The following B4GALNT2 variants were observed in gnomAD, a reference collection of about 807,000 sequenced individuals.
B4GALNT2 encodes N-acetylneuraminylgalactosylglucosyl-glucoside beta-1,4-N- acetylgalactosaminyltransferase 2.
Under a neutral mutation model 51.1 loss-of-function variants are expected in B4GALNT2, and 42 were observed. The observed-to-expected ratio is 0.82, with a 90% CI of 0.64 to 1.06. The LOEUF (loss-of-function observed/expected upper bound fraction) is 1.06. Among genes scored for constraint, B4GALNT2 ranks in the 50% least tolerant of loss-of-function variants. B4GALNT2 has a pLI of 0.00. For missense variants in B4GALNT2, 602 were observed against 633.6 expected (o/e 0.95, Z 0.54); for synonymous variants, 253 against 251.7 (o/e 1.01, Z -0.05).
chr17:49,125,821 A>T, the B4GALNT2 span, among the ~76,000 whole-genome samples: 322 of 16,762 alleles, frequency 0.019, no homozygotes, highest in Non-Finnish European at 0.025. Flanking sequence ...GGCCGCCCCT[A>T]CTGGGAAGTG....
At chr17:49,131,328 C>T (rs1420033317), upstream of B4GALNT2, among the ~76,000 whole-genome samples, 1 of 151,948 alleles carries the variant, frequency 6.6e-6, no homozygotes, top group Non-Finnish European at 1.5e-5. Context: ...ATTAAAACTC[C>T]CTTCTGAGAG....
At position 49,152,814 on chromosome 17, in the gene B4GALNT2, G is replaced by A. The variant is rs34942161; in HGVS notation, c.368G>A (p.Arg123His). The A allele has an allele frequency of 8.2e-3, 13,095 of 1,602,808 alleles. 58 individuals carry two copies. The highest frequency in any genetic ancestry group is 1.0e-2 in the Non-Finnish European group (11,721 of 1,174,444). The change falls in exon 4 of 11, where the codon CGC becomes CAC. Residue 123 changes from arginine (R) to histidine (H), a missense_variant. Coordinates refer to ENST00000393354, the MANE Select transcript of B4GALNT2 (RefSeq NM_001159387.2). Reference protein sequence around the residue: ...EHFQRREGLPRPLPLLVQPNL... With the variant: ...EHFQRREGLPHPLPLLVQPNL... Reference sequence around the variant, plus strand: ...CCTTCCTGCAGAGAAGGGCTGCCCCGCCCACTGCCCCTGCTGGTCCAGCCC... The same window carrying A: ...CCTTCCTGCAGAGAAGGGCTGCCCCACCCACTGCCCCTGCTGGTCCAGCCC...
At chr17:49,152,232 A>G (rs1180798460) in intron 3 of B4GALNT2, among the ~76,000 whole-genome samples, 2 of 152,090 alleles carry the variant, frequency 1.3e-5, no homozygotes, top group Non-Finnish European at 1.5e-5. Flanking sequence ...TTTAAAAATT[A>G]GCTGGGCTTG....
intron 3 of B4GALNT2, among the ~76,000 whole-genome samples, chr17:49,144,769 G>C (rs530041537): frequency 6.6e-6 from 1 of 152,190 alleles, no homozygotes; most frequent in South Asian, 2.1e-4. Flanking sequence ...AGAACTAACA[G>C]GGGGGAGAGA....
At chr17:49,126,623 C>T in the B4GALNT2 span, among the ~76,000 whole-genome samples, 3 of 146,706 alleles carry the variant, frequency 2.0e-5, no homozygotes, top group Admixed American at 7.0e-5. Context: ...ACTTTTAAAT[C>T]GTACATTTCT....
intron 4 of B4GALNT2, among the ~76,000 whole-genome samples, chr17:49,153,768 A>G (rs1344708230): frequency 6.6e-6 from 1 of 152,068 alleles, no homozygotes; most frequent in African/African-American, 2.4e-5. Flanking sequence ...TCGGCCTCCC[A>G]AAGTGCTGGG....
At position 49,175,929 on chromosome 17, in the gene B4GALNT2, C is replaced by T. The variant is rs924570864; in HGVS notation, c.*6201C>T. On this transcript the variant is annotated 3_prime_UTR_variant, in exon 11 of 11. Transcript: ENST00000393354. ...ACCTCTTCCTCATTTGCCGCTTTAG[C>T]TTCAGCCAGCAAACAAACCTGCTGT... is the stretch of plus-strand genomic sequence containing the variant. 1.3e-5 allele frequency: 2 copies of T among 152,182 alleles called. No homozygotes were observed. The highest frequency in any genetic ancestry group is 2.4e-5 in the African/African-American group (1 of 41,432). 9.4% of individuals were successfully genotyped at this position (152,182 alleles called of 1,614,324 possible).
chr17:49,133,181 G>A lies in B4GALNT2; in HGVS notation c.14+375G>A, dbSNP rs1372601084. ...AACTCAGAGGCGCTGACCCAGCCTGGGGCCCGTTTGCTGCCCACGGGAGGA... is the reference window on the plus strand; with the variant it reads ...AACTCAGAGGCGCTGACCCAGCCTGAGGCCCGTTTGCTGCCCACGGGAGGA... On this transcript the variant is annotated intron_variant, in intron 1 of 10. Coordinates refer to ENST00000393354, the MANE Select transcript of B4GALNT2 (RefSeq NM_001159387.2). The A allele has an allele frequency of 2.0e-6, 3 of 1,512,482 alleles. No individual in the cohort carries two copies. The South Asian group carries it at 3.8e-5, about 19-fold the overall frequency. 93.7% of individuals were successfully genotyped at this position (1,512,482 alleles called of 1,614,324 possible).
rs372183236 is a variant in B4GALNT2, at chr17:49,145,290, C to T, written c.353+3118C>T. 3.8e-4 allele frequency among the ~76,000 whole-genome samples: 58 copies of T among 152,210 alleles called. 1 individual carries two copies. The South Asian group carries it at 7.3e-3, about 19-fold the overall frequency. ...TAACATAATACAACTATCTTTTGTA[C>T]GACCAGAAACGCACCAATCCCCAAC... On this transcript the variant is annotated intron_variant, in intron 3 of 10. Coordinates refer to ENST00000393354, the MANE Select transcript of B4GALNT2 (RefSeq NM_001159387.2).
At chr17:49,138,942 G>A (rs561211305) in intron 1 of B4GALNT2, among the ~76,000 whole-genome samples, 145 of 152,248 alleles carry the variant, frequency 9.5e-4, no homozygotes, top group Non-Finnish European at 1.3e-3. Flanking sequence ...TTATGCTGTT[G>A]TGAGGATTAA....
At chr17:49,132,692 C>T, upstream of B4GALNT2, 1 of 1,340,836 alleles carries the variant, frequency 7.5e-7, no homozygotes, top group Non-Finnish European at 9.6e-7. Context: ...ACCTGCCCTA[C>T]TCGCCGAGAA....
chr17:49,125,886 G>GC, the B4GALNT2 span, among the ~76,000 whole-genome samples: 1 of 147,698 alleles, frequency 6.8e-6, no homozygotes, highest in Admixed American at 6.7e-5. Flanking sequence ...GGGGGGGTCG[G>GC]CCCCCTGCCC....
In B4GALNT2 at chr17:49,152,712, C is replaced by G. The variant is rs538529968; in HGVS notation, c.354-88C>G. On this transcript the variant is annotated intron_variant, in intron 3 of 10. Transcript: ENST00000393354. Reference sequence around the variant, plus strand: ...TTTTGATTTCTCCATATTGTCAGGGCAAGGCTCTGTGCACAGGCACCACTT... The same window carrying G: ...TTTTGATTTCTCCATATTGTCAGGGGAAGGCTCTGTGCACAGGCACCACTT... The G allele has an allele frequency of 7.7e-6, 7 of 905,018 alleles. No individual in the cohort carries two copies. In the African/African-American group the frequency reaches 8.6e-5, roughly 11 times the overall value. 56.1% of individuals were successfully genotyped at this position (905,018 alleles called of 1,614,324 possible).
chr17:49,133,820 G>A (rs2042564142), intron 1 of B4GALNT2, among the ~76,000 whole-genome samples: 1 of 152,174 alleles, frequency 6.6e-6, no homozygotes, highest in Admixed American at 6.5e-5. Context: ...GGCCGAAGCA[G>A]GAGAATGACT....
Position 49,166,191 on chromosome 17 carries a change from C to T in B4GALNT2, c.1032C>T (p.Leu344=). Residue 344 remains leucine (L), a synonymous_variant, in exon 9 of 11, where the codon CTC becomes CTT. Transcript: ENST00000393354. ...TTCTCTGGGTGGACGATGATTTTCT[C>T]TTCAACGAGGAGACCAAGATTGAGG... The part of the protein sequence containing the change: ...KYVLWVDDDF[L]FNEETKIEVL... The T allele has an allele frequency of 6.2e-7, 1 of 1,614,172 alleles. No homozygotes were observed. Among genetic ancestry groups the T allele is most frequent in the Non-Finnish European group, 8.5e-7 (1 of 1,180,024 alleles).
At chr17:49,128,596 A>G (rs570817166), upstream of B4GALNT2, among the ~76,000 whole-genome samples, 1 of 152,188 alleles carries the variant, frequency 6.6e-6, no homozygotes, top group African/African-American at 2.4e-5. Flanking sequence ...TGGCCTGAAT[A>G]GAGAGAACCT....
chr17:49,151,676 G>T (rs1330375887), intron 3 of B4GALNT2, among the ~76,000 whole-genome samples: 1 of 151,262 alleles, frequency 6.6e-6, no homozygotes, highest in South Asian at 2.1e-4. Context: ...AACCCAGGAG[G>T]CAGAGGTTGC....
chr17:49,164,064 T>G, intron 7 of B4GALNT2, 24 bp from the exon 8 acceptor site: 1 of 1,608,130 alleles, frequency 6.2e-7, no homozygotes, highest in South Asian at 1.1e-5. Context: ...GACAGAGCTC[T>G]GACACCCACT....
upstream of B4GALNT2, among the ~76,000 whole-genome samples, chr17:49,132,005 G>A (rs1462748194): frequency 2.6e-5 from 4 of 151,982 alleles, no homozygotes; most frequent in Non-Finnish European, 5.9e-5. Flanking sequence ...AGCCAGGTGC[G>A]GTCGTGGGTG....
Sources: gnomAD v4.1 joint callset for allele counts (sites outside exome capture counted in the v4.1 genomes callset) on GRCh38, gnomAD v4.1.1 for gene constraint, MANE v1.5 for transcripts, NCBI Gene and HGNC (gene_info 2026-07-23, HGNC 2026-07-21) for gene names.